Variants in UGT1A4 observed in about 807,000 individuals in gnomAD.
The protein encoded by UGT1A4 is UDP glucuronosyltransferase family 1 member A4, also known as UDP-glucuronosyltransferase 1A4.
In UGT1A4, 32 loss-of-function variants were observed where a neutral mutation model predicts 41.1. That is an observed-to-expected ratio of 0.78 (90% confidence interval 0.59 to 1.05). The LOEUF is 1.05. Among genes scored for constraint, UGT1A4 ranks in the 50% least tolerant of loss-of-function variants. UGT1A4 has a pLI of 0.00. For synonymous variants in UGT1A4, 283 were observed against 265.1 expected (o/e 1.07, Z -0.66); for missense variants, 748 against 677.4 (o/e 1.10, Z -1.16).
At chr2:233,748,721 A>G (rs555676494) in intron 1 of UGT1A4, among the ~76,000 whole-genome samples, 1 of 151,762 alleles carries the variant, frequency 6.6e-6, no homozygotes, top group East Asian at 1.9e-4. Context: ...CTGGTGCATG[A>G]TGTGGGGACA....
intron 1 of UGT1A4, among the ~76,000 whole-genome samples, chr2:233,720,278 T>G (rs1449886876): frequency 6.6e-6 from 1 of 151,854 alleles, no homozygotes; most frequent in Non-Finnish European, 1.5e-5. Flanking sequence ...CTGAGAAAAG[T>G]TTTTCTGACC....
rs556800643 is a variant in UGT1A4 at position 233,745,736 on chromosome 2, G to A, written c.868-21298G>A. 8.6e-5 allele frequency among the ~76,000 whole-genome samples: 13 copies of A among 150,680 alleles called. No individual in the cohort carries two copies. The South Asian group carries it at 2.5e-3, about 29-fold the overall frequency. ...GAATGGCTGGAGGGTAAGAGGCAGA[G>A]GGAGGGGGCAAGCAGAAGGGGTGGA... On this transcript the variant is annotated intron_variant, in intron 1 of 4. Coordinates refer to ENST00000373409, the MANE Select transcript of UGT1A4 (RefSeq NM_007120.3).
rs1411325211 is a variant in UGT1A4 at position 233,718,827 on chromosome 2, A to T, written c.7A>T (p.Arg3Ter). 1 of 1,613,418 alleles carries T rather than the reference A, an allele frequency of 6.2e-7. No individual in the cohort carries two copies. The highest frequency in any genetic ancestry group is 8.5e-7 in the Non-Finnish European group (1 of 1,179,964). MA[R>*]GLQVPLPRLA... ...GTCGGTGGCTTCTGCTGAGATGGCC[A>T]GAGGACTCCAGGTTCCCCTGCCGCG... The change falls in exon 1 of 5, where the codon AGA becomes TGA. Residue 3 changes from arginine (R) to a stop codon, truncating the protein, a stop_gained. Transcript: ENST00000373409. LOFTEE classifies it high-confidence loss of function.
At position 233,772,521 on chromosome 2, in the gene UGT1A4, G is replaced by A. The variant is rs746578451; in HGVS notation, c.1567G>A (p.Gly523Arg). 24 of 1,614,040 alleles carry A rather than the reference G, an allele frequency of 1.5e-5. No individual in the cohort carries two copies. The highest frequency in any genetic ancestry group is 1.7e-6 in the Non-Finnish European group (2 of 1,180,036). ...CTACCGGAAATGCTTGGGGAAAAAA[G>A]GGCGAGTTAAGAAAGCCCACAAATC... ...YGYRKCLGKK[G>R]RVKKAHKSKT... The change falls in exon 5 of 5, where the codon GGG becomes AGG. Residue 523 changes from glycine (G) to arginine (R), a missense_variant. Coordinates refer to ENST00000373409, the MANE Select transcript of UGT1A4 (RefSeq NM_007120.3).
At position 233,769,677 on chromosome 2, in the gene UGT1A4, G is replaced by A; in HGVS notation, c.1307+1238G>A. 6.3e-6 allele frequency: 10 copies of A among 1,577,312 alleles called. No homozygotes were observed. Among genetic ancestry groups the A allele is most frequent in the Non-Finnish European group, 8.6e-6 (10 of 1,161,616 alleles). ...TCCCACCTTTGAGGTGCTAATGTGT[G>A]TGTGGTGGCACTGGATAAAAGATCA... On this transcript the variant is annotated intron_variant, in intron 4 of 4. Transcript: ENST00000373409. The surrounding 1 kb of genome is among the most constrained non-coding windows in gnomAD (Gnocchi z 4.4).
At chr2:233,748,084 G>T in intron 1 of UGT1A4, 7 of 1,613,070 alleles carry the variant, frequency 4.3e-6, no homozygotes, top group Non-Finnish European at 5.9e-6. Flanking sequence ...TCTCAGGTCG[G>T]TGTTCGTGCC....
At chr2:233,730,386 T>A (rs1243886406) in intron 1 of UGT1A4, among the ~76,000 whole-genome samples, 1 of 152,190 alleles carries the variant, frequency 6.6e-6, no homozygotes, top group East Asian at 1.9e-4. Flanking sequence ...GGAAAGATGA[T>A]GCAACAGTAA....
At position 233,769,732 on chromosome 2, in the gene UGT1A4, G is replaced by A; in HGVS notation, c.1307+1293G>A. The A allele has an allele frequency of 2.7e-6, 4 of 1,465,694 alleles. No homozygotes were observed. Among genetic ancestry groups the A allele is most frequent in the South Asian group, 2.9e-5 (2 of 70,094 alleles). 90.8% of individuals were successfully genotyped at this position (1,465,694 alleles called of 1,614,324 possible). ...TGGCTAGGCACCATGGCACACGCCT[G>A]TAGTCCCAGCCACTCTGGAGGCTAA... On this transcript the variant is annotated intron_variant, in intron 4 of 4. Coordinates refer to ENST00000373409, the MANE Select transcript of UGT1A4 (RefSeq NM_007120.3). This position sits in a 1 kb window ranked among gnomAD's most constrained non-coding sequence, Gnocchi z 4.4.
intron 1 of UGT1A4, among the ~76,000 whole-genome samples, chr2:233,759,688 G>T (rs537890519): frequency 7.0e-6 from 1 of 143,840 alleles, no homozygotes; most frequent in Admixed American, 7.5e-5. Flanking sequence ...TGTGAGTCTG[G>T]CTCACCTCAT....
In UGT1A4 at chr2:233,747,664, T is replaced by G. The variant is rs942017762; in HGVS notation, c.868-19370T>G. ...GCTACTTCCTTCGATGTGGTTTTAA[T>G]AGACCCAATTTACCTCTGTGGGGCA... On this transcript the variant is annotated intron_variant, in intron 1 of 4. Coordinates refer to ENST00000373409, the MANE Select transcript of UGT1A4 (RefSeq NM_007120.3). The G allele has an allele frequency of 5.0e-6, 8 of 1,600,932 alleles. No individual in the cohort carries two copies. The African/African-American group carries it at 1.1e-4, about 22-fold the overall frequency.
chr2:233,767,753 C>G, intron 2 of UGT1A4, 96 bp from the exon 3 acceptor site: 1 of 1,599,056 alleles, frequency 6.3e-7, no homozygotes, highest in Non-Finnish European at 8.5e-7. Context: ...AAGACTGTTC[C>G]TTCAGAGGAC....
At position 233,758,345 on chromosome 2, in the gene UGT1A4, T is replaced by G. The variant is rs2125964411; in HGVS notation, c.868-8689T>G. Among the ~76,000 whole-genome samples, 4 of 152,362 alleles carry G rather than the reference T, an allele frequency of 2.6e-5. 1 individual carries two copies. In the Middle Eastern group the frequency reaches 0.01, roughly 389 times the overall value. On this transcript the variant is annotated intron_variant, in intron 1 of 4. Transcript: ENST00000373409. ...CCTCAAAAAGCTTGGAAGCTCTGCA[T>G]GATGCAGGAAAGTCATAAAATCATT...
At chr2:233,770,952 GA>G (rs1289547688) in intron 4 of UGT1A4, 4 of 152,160 alleles carry the variant, frequency 2.6e-5, no homozygotes, top group African/African-American at 9.7e-5. Context: ...GAACCTCAGG[GA>G]GCTTTTACTC....
At chr2:233,743,759 T>C in intron 1 of UGT1A4, 7 of 1,367,366 alleles carry the variant, frequency 5.1e-6, no homozygotes, top group South Asian at 4.5e-5. Flanking sequence ...CAACACCTCG[T>C]AGGCCTCGGC....
rs1316951869 is a variant in UGT1A4 at position 233,743,957 on chromosome 2, A to G, written c.868-23077A>G. ...CGGCCCACCAGGCACTGGCACAGCG[A>G]GCGGCAAGGCTGCCAGCACCCAGGC... is the stretch of plus-strand genomic sequence containing the variant. On this transcript the variant is annotated intron_variant, in intron 1 of 4. Coordinates refer to ENST00000373409, the MANE Select transcript of UGT1A4 (RefSeq NM_007120.3). 4 of 1,338,466 alleles carry G rather than the reference A, an allele frequency of 3.0e-6. No individual in the cohort carries two copies. The Admixed American group carries it at 8.0e-5, about 27-fold the overall frequency. The allele number at this position is 1,338,466 out of a possible 1,614,324, so 82.9% of individuals were successfully genotyped here.
At chr2:233,762,868 G>A (rs998975258) in intron 1 of UGT1A4, among the ~76,000 whole-genome samples, 2 of 151,940 alleles carry the variant, frequency 1.3e-5, no homozygotes, top group Non-Finnish European at 2.9e-5. Context: ...AGAAATTTTG[G>A]TTTCTTCTCT....
At chr2:233,770,116 A>G (rs557135570) in intron 4 of UGT1A4, 1 of 152,452 alleles carries the variant, frequency 6.6e-6, no homozygotes, top group Admixed American at 6.5e-5. Flanking sequence ...CCTAAGAACA[A>G]CTTGGTGAAA....
At position 233,769,494 on chromosome 2, in the gene UGT1A4, A is replaced by C. The variant is rs761998450; in HGVS notation, c.1307+1055A>C. On this transcript the variant is annotated intron_variant, in intron 4 of 4. Coordinates refer to ENST00000373409, the MANE Select transcript of UGT1A4 (RefSeq NM_007120.3). The surrounding 1 kb of genome is among the most constrained non-coding windows in gnomAD (Gnocchi z 4.4). Reference sequence around the variant, plus strand: ...GTGTGTGTGTGCGTGTGTTTATGAGAGTGTCCATTGCTTTCTCCCATGGTT... The same window carrying C: ...GTGTGTGTGTGCGTGTGTTTATGAGCGTGTCCATTGCTTTCTCCCATGGTT... 1.9e-6 allele frequency: 3 copies of C among 1,612,660 alleles called. No individual in the cohort carries two copies. Among genetic ancestry groups the C allele is most frequent in the South Asian group, 2.2e-5 (2 of 91,046 alleles).
chr2:233,755,126 C>T, intron 1 of UGT1A4: 1 of 1,323,304 alleles, frequency 7.6e-7, no homozygotes, highest in Non-Finnish European at 1.0e-6. Flanking sequence ...CCTCAGCCAC[C>T]TGCTTGAATC....
Sources: gnomAD v4.1 joint callset for allele counts (sites outside exome capture counted in the v4.1 genomes callset) on GRCh38, gnomAD v4.1.1 for gene constraint, Gnocchi (gnomAD v3.1) non-coding constraint, MANE v1.5 for transcripts, NCBI Gene and HGNC (gene_info 2026-07-23, HGNC 2026-07-21) for gene names.